The following DNAAF9 variants were observed in gnomAD, a reference collection of about 807,000 sequenced individuals.
The protein encoded by DNAAF9 is dynein axonemal assembly factor 9, also known as shulin.
Under a neutral mutation model 167.0 loss-of-function variants are expected in DNAAF9, and 90 were observed. That is an observed-to-expected ratio of 0.54 (90% CI 0.45 to 0.64). The LOEUF (loss-of-function observed/expected upper bound fraction) is 0.64. Among genes scored for constraint, DNAAF9 ranks in the 30% least tolerant of loss-of-function variants. The pLI is 0.00. For synonymous variants in DNAAF9, 491 were observed against 508.8 expected, an observed-to-expected ratio of 0.96 and a Z score of 0.47; for missense variants, 1,315 against 1,442.2, an observed-to-expected ratio of 0.91 and a Z score of 1.43.
intron 14 of DNAAF9, 75 bp from the exon 15 acceptor site, chr20:3,322,771 T>C: frequency 2.8e-6 from 3 of 1,073,900 alleles, no homozygotes; most frequent in Non-Finnish European, 4.3e-6. Flanking sequence ...GGTACCTGCT[T>C]GGGATTCTCA....
intron 30 of DNAAF9, among the ~76,000 whole-genome samples, chr20:3,268,340 T>C (rs1373926116): frequency 6.6e-6 from 1 of 150,788 alleles, no homozygotes; most frequent in Non-Finnish European, 1.5e-5. Flanking sequence ...CGGCCCCTTT[T>C]TTTTTTTGAG....
intron 27 of DNAAF9, among the ~76,000 whole-genome samples, chr20:3,286,965 G>A (rs144759121): frequency 1.2e-4 from 19 of 152,286 alleles, no homozygotes; most frequent in Admixed American, 1.2e-3. Flanking sequence ...GGGTCTGTGA[G>A]GGGCTCCTCC....
At chr20:3,303,359 T>C (rs867151980) in intron 21 of DNAAF9, among the ~76,000 whole-genome samples, 2 of 152,192 alleles carry the variant, frequency 1.3e-5, no homozygotes, top group South Asian at 4.1e-4. Flanking sequence ...TAAATATTCA[T>C]TTTTATATTC....
At chr20:3,348,432 T>C (rs2070240231) in intron 8 of DNAAF9, 93 bp downstream of exon 8, 7 of 600,036 alleles carry the variant, frequency 1.2e-5, no homozygotes, top group Admixed American at 3.0e-5. Context: ...TTAGAATTGA[T>C]AGTGTTGTAT....
At chr20:3,339,425 T>A (rs140515021) in intron 10 of DNAAF9, among the ~76,000 whole-genome samples, 1 of 152,320 alleles carries the variant, frequency 6.6e-6, no homozygotes, top group Non-Finnish European at 1.5e-5. Context: ...GGATTTTATG[T>A]TAATCTGGCT....
chr20:3,357,238 G>A (rs1258002922), intron 7 of DNAAF9, among the ~76,000 whole-genome samples: 5 of 152,188 alleles, frequency 3.3e-5, no homozygotes, highest in South Asian at 2.1e-4. Flanking sequence ...TTGGGAGGCC[G>A]AGGTGGGCGG....
At chr20:3,264,635 T>C in intron 30 of DNAAF9, 111 bp from the exon 31 acceptor site, 1 of 672,768 alleles carries the variant, frequency 1.5e-6, no homozygotes, top group Non-Finnish European at 2.7e-6. Context: ...AGTGGTGCAA[T>C]CTTGGCTCAT....
intron 26 of DNAAF9, among the ~76,000 whole-genome samples, chr20:3,289,236 G>GT (rs548857376): frequency 2.6e-5 from 4 of 152,174 alleles, no homozygotes; most frequent in Non-Finnish European, 4.4e-5. Context: ...GTATACATGT[G>GT]TAACAAACCT....
chr20:3,336,467 T>C (rs1248116621), intron 10 of DNAAF9, among the ~76,000 whole-genome samples: 1 of 152,078 alleles, frequency 6.6e-6, no homozygotes, highest in Admixed American at 6.5e-5. Context: ...TCTATTGTTC[T>C]ATCTTCAAGT....
intron 1 of DNAAF9, among the ~76,000 whole-genome samples, chr20:3,388,459 G>A (rs982518351): frequency 6.6e-6 from 1 of 152,072 alleles, no homozygotes; most frequent in South Asian, 2.1e-4. Context: ...TCCAGTTCTA[G>A]GTATAAATTC....
chr20:3,345,990 T>C (rs2070185644), intron 8 of DNAAF9, among the ~76,000 whole-genome samples: 1 of 152,144 alleles, frequency 6.6e-6, no homozygotes, highest in Admixed American at 6.6e-5. Context: ...ATAGTTCAGT[T>C]AATAACTGTA....
At chr20:3,359,908 C>G (rs763661865) in intron 6 of DNAAF9, 20 of 187,576 alleles carry the variant, frequency 1.1e-4, no homozygotes, top group Non-Finnish European at 1.8e-4. Context: ...AAATTTTAAT[C>G]AAAATAATCC....
At chr20:3,335,853 T>G (rs1390574472) in intron 10 of DNAAF9, among the ~76,000 whole-genome samples, 3 of 151,610 alleles carry the variant, frequency 2.0e-5, no homozygotes, top group African/African-American at 2.4e-5. Flanking sequence ...CTGAGCGTGG[T>G]GGCTCATGCC....
At chr20:3,372,046 T>C (rs960228522) in intron 6 of DNAAF9, among the ~76,000 whole-genome samples, 6 of 152,248 alleles carry the variant, frequency 3.9e-5, no homozygotes, top group Non-Finnish European at 8.8e-5. Flanking sequence ...TTCTTTCTCA[T>C]GCTGGCACCT....
chr20:3,325,484 C>T (rs2069694294), intron 13 of DNAAF9, among the ~76,000 whole-genome samples: 1 of 152,200 alleles, frequency 6.6e-6, no homozygotes, highest in African/African-American at 2.4e-5. Flanking sequence ...GCTGAGAAAT[C>T]CGGAGTCAGT....
At chr20:3,384,059 T>G (rs775088651) in intron 1 of DNAAF9, among the ~76,000 whole-genome samples, 4 of 152,168 alleles carry the variant, frequency 2.6e-5, no homozygotes, top group Non-Finnish European at 4.4e-5. Context: ...CCTCTCAAAG[T>G]GCTGGGATTA....
At chr20:3,275,485 C>T (rs1471071969) in intron 29 of DNAAF9, among the ~76,000 whole-genome samples, 1 of 152,208 alleles carries the variant, frequency 6.6e-6, no homozygotes, top group Non-Finnish European at 1.5e-5. Flanking sequence ...GTCCTGTCTG[C>T]TGCACATGTA....
At chr20:3,279,480 A>G (rs1434558854) in intron 28 of DNAAF9, among the ~76,000 whole-genome samples, 1 of 152,210 alleles carries the variant, frequency 6.6e-6, no homozygotes, top group Non-Finnish European at 1.5e-5. Context: ...TGACTGATCC[A>G]AAGTGTGAGT....
At chr20:3,400,911 A>G (rs1488778988) in intron 1 of DNAAF9, among the ~76,000 whole-genome samples, 1 of 152,244 alleles carries the variant, frequency 6.6e-6, no homozygotes, top group Non-Finnish European at 1.5e-5. Flanking sequence ...CTAAGTAAGC[A>G]TACCCTTTTT....
Sources: allele counts gnomAD v4.1 joint callset (sites outside exome capture counted in the v4.1 genomes callset), GRCh38; gene constraint gnomAD v4.1.1; transcripts MANE v1.5; gene names NCBI Gene and HGNC (gene_info 2026-07-23, HGNC 2026-07-21).